The following HS3ST4 variants were observed in gnomAD, a reference collection of about 807,000 sequenced individuals.
The protein encoded by HS3ST4 is heparan sulfate glucosamine 3-O-sulfotransferase 4.
Under a neutral mutation model 29.2 loss-of-function variants are expected in HS3ST4, and 17 were observed. The ratio of observed to expected loss-of-function variants is 0.58; its 90% confidence interval spans 0.40 to 0.87. HS3ST4 has a LOEUF of 0.87. Among genes scored for constraint, HS3ST4 ranks in the 40% least tolerant of loss-of-function variants. The pLI is 0.00. For synonymous variants in HS3ST4, 314 were observed against 285.7 expected, an observed-to-expected ratio of 1.10 and a Z score of -1.00; for missense variants, 627 against 634.5, an observed-to-expected ratio of 0.99 and a Z score of 0.13.
intron 1 of HS3ST4, among the ~76,000 whole-genome samples, chr16:26,102,419 C>G (rs1899000725): frequency 6.6e-6 from 1 of 152,170 alleles, no homozygotes; most frequent in Non-Finnish European, 1.5e-5. Context: ...AAGGAAATGT[C>G]TCTTGGTTTC....
chr16:25,692,604 C>G lies in HS3ST4; in HGVS notation c.187C>G (p.Leu63Val). ...CGGCTCGGGCTCCCTGCAATTCCCT[C>G]TGGCGCTGCAGGAGTCGCCGGGCGC... ...LGGSGSLQFP[L>V]ALQESPGAAA... is the part of the protein sequence containing the mutation. The change falls in exon 1 of 2, where the codon CTG becomes GTG. Residue 63 changes from leucine to valine, a missense_variant. Physicochemically the swap from Leu to Val is conservative, Grantham distance 32. Transcript: ENST00000331351. 1 of 1,396,984 alleles carries G rather than the reference C, an allele frequency of 7.2e-7. No individual in the cohort carries two copies. The highest frequency in any genetic ancestry group is 9.4e-7 in the Non-Finnish European group (1 of 1,064,676). 86.5% of individuals were successfully genotyped at this position (1,396,984 alleles called of 1,614,324 possible).
chr16:25,918,121 T>A (rs752780094), intron 1 of HS3ST4, among the ~76,000 whole-genome samples: 1 of 152,330 alleles, frequency 6.6e-6, no homozygotes, highest in East Asian at 1.9e-4. Context: ...TCAACACACA[T>A]TTGTTGGACA....
intron 1 of HS3ST4, among the ~76,000 whole-genome samples, chr16:25,754,852 T>C (rs375089742): frequency 2.6e-5 from 4 of 151,548 alleles, no homozygotes. Flanking sequence ...CATATCACCA[T>C]CCATCCATCC....
chr16:25,978,504 A>C (rs948664747), intron 1 of HS3ST4, among the ~76,000 whole-genome samples: 10 of 152,262 alleles, frequency 6.6e-5, no homozygotes, highest in African/African-American at 2.4e-4. Context: ...GCCATAGCTC[A>C]CCAACCTCTG....
At chr16:26,109,859 TAAGC>T (rs1596684433) in intron 1 of HS3ST4, among the ~76,000 whole-genome samples, 1 of 152,168 alleles carries the variant, frequency 6.6e-6, no homozygotes, top group African/African-American at 2.4e-5. Context: ...ATGGTTAAAA[TAAGC>T]AAATTAACAT....
At chr16:26,123,583 T>C (rs1229234188) in intron 1 of HS3ST4, among the ~76,000 whole-genome samples, 2 of 152,234 alleles carry the variant, frequency 1.3e-5, no homozygotes, top group Non-Finnish European at 2.9e-5. Flanking sequence ...AGCTCTTTAG[T>C]GGTGATTTCT....
intron 1 of HS3ST4, among the ~76,000 whole-genome samples, chr16:25,707,776 C>G (rs1966385589): frequency 1.3e-5 from 2 of 152,160 alleles, no homozygotes; most frequent in Admixed American, 1.3e-4. Context: ...TGGCCCTGCC[C>G]CAGGGCCTTT....
Position 25,692,305 on chromosome 16 carries a change from A to AGCGGCGGCG in HS3ST4, c.-87_-79dup, listed in dbSNP as rs533546276. ...CTTCATGCAGCCGGGGCGGCTGGGCAGCGGCGGCGGCGGCGGCGGCGGCGG... is the reference window on the plus strand; with the variant it reads ...CTTCATGCAGCCGGGGCGGCTGGGCAGCGGCGGCGGCGGCGGCGGCGGCGGCGGCGGCGG... On this transcript the variant is annotated 5_prime_UTR_variant, in exon 1 of 2. Coordinates refer to ENST00000331351, the MANE Select transcript of HS3ST4 (RefSeq NM_006040.3). The AGCGGCGGCG allele has an allele frequency of 2.8e-5, 4 of 142,600 alleles. No homozygotes were observed. Among genetic ancestry groups the AGCGGCGGCG allele is most frequent in the Admixed American group, 7.2e-5 (1 of 13,862 alleles). 8.8% of individuals were successfully genotyped at this position (142,600 alleles called of 1,614,324 possible).
Position 25,828,856 on chromosome 16 carries a change from A to T in HS3ST4, c.734+135705A>T, listed in dbSNP as rs117302682. On this transcript the variant is annotated intron_variant, in intron 1 of 1. Coordinates refer to ENST00000331351, the MANE Select transcript of HS3ST4 (RefSeq NM_006040.3). ...TCAGTTTTGTGAACTTGGACAAGTGATTAAACTTACTTGAGCATTAGTTTT... is the reference window on the plus strand; with the variant it reads ...TCAGTTTTGTGAACTTGGACAAGTGTTTAAACTTACTTGAGCATTAGTTTT... 2.8e-3 allele frequency among the ~76,000 whole-genome samples: 434 copies of T among 152,348 alleles called. 3 individuals carry two copies. The South Asian group carries it at 0.037, about 13-fold the overall frequency.
At chr16:26,123,312 G>A (rs1348443119) in intron 1 of HS3ST4, among the ~76,000 whole-genome samples, 1 of 152,148 alleles carries the variant, frequency 6.6e-6, no homozygotes, top group Non-Finnish European at 1.5e-5. Context: ...ATGGTTCAGA[G>A]ATAGAACCCA....
At chr16:25,845,737 CTT>C (rs1213205443) in intron 1 of HS3ST4, among the ~76,000 whole-genome samples, 1 of 151,634 alleles carries the variant, frequency 6.6e-6, no homozygotes, top group African/African-American at 2.4e-5. Flanking sequence ...CTTTCATTCT[CTT>C]TGTCTTTCTC....
Position 25,920,764 on chromosome 16 carries a change from G to A in HS3ST4, c.735-214848G>A, listed in dbSNP as rs576198814. ...CTACAGGCATGCACCAGCATGCCTG[G>A]CTGATTTTTGTGTTCTATTTTTTTT... On this transcript the variant is annotated intron_variant, in intron 1 of 1. Transcript: ENST00000331351. Among the ~76,000 whole-genome samples, 26 of 149,934 alleles carry A rather than the reference G, an allele frequency of 1.7e-4. No homozygotes were observed. The East Asian group carries it at 5.1e-3, about 29-fold the overall frequency.
chr16:25,881,062 A>G (rs1967889980), intron 1 of HS3ST4, among the ~76,000 whole-genome samples: 1 of 152,214 alleles, frequency 6.6e-6, no homozygotes, highest in Non-Finnish European at 1.5e-5. Context: ...GAGTAAAACA[A>G]TGGTGATAAT....
chr16:25,970,719 T>A (rs1202757123), intron 1 of HS3ST4, among the ~76,000 whole-genome samples: 2 of 152,110 alleles, frequency 1.3e-5, no homozygotes, highest in African/African-American at 2.4e-5. Context: ...GACACTTGCT[T>A]GTTGTCTAGG....
intron 1 of HS3ST4, among the ~76,000 whole-genome samples, chr16:25,813,737 C>T (rs989031266): frequency 6.6e-6 from 1 of 152,154 alleles, no homozygotes; most frequent in Non-Finnish European, 1.5e-5. Flanking sequence ...TAGATATTTA[C>T]CCAAGAAAAA....
At chr16:26,021,548 C>T (rs756664908) in intron 1 of HS3ST4, among the ~76,000 whole-genome samples, 9 of 152,158 alleles carry the variant, frequency 5.9e-5, no homozygotes, top group Non-Finnish European at 1.2e-4. Context: ...AACAGAGACC[C>T]ACAGAGATGT....
intron 1 of HS3ST4, among the ~76,000 whole-genome samples, chr16:25,910,583 C>T (rs111825456): frequency 0.089 from 13,474 of 151,606 alleles, 870 homozygotes; most frequent in Non-Finnish European, 0.12. Context: ...GCAGAGGTTG[C>T]AGTGAGCCGA....
intron 1 of HS3ST4, among the ~76,000 whole-genome samples, chr16:25,766,477 T>G (rs1966819861): frequency 6.6e-6 from 1 of 152,200 alleles, no homozygotes; most frequent in Non-Finnish European, 1.5e-5. Flanking sequence ...CGAATATAGA[T>G]GGTGTTAGGT....
At chr16:25,793,289 G>C (rs1966874124) in intron 1 of HS3ST4, among the ~76,000 whole-genome samples, 2 of 151,908 alleles carry the variant, frequency 1.3e-5, no homozygotes, top group African/African-American at 4.8e-5. Context: ...ATTTCAATTA[G>C]ATAAACATCG....
Sources: allele counts gnomAD v4.1 joint callset (sites outside exome capture counted in the v4.1 genomes callset), GRCh38; gene constraint gnomAD v4.1.1; transcripts MANE v1.5; gene names NCBI Gene and HGNC (gene_info 2026-07-23, HGNC 2026-07-21).